DYRK3: variants seen among roughly 807,000 people sequenced by gnomAD.
The protein encoded by DYRK3 is dual specificity tyrosine-phosphorylation-regulated kinase 3.
DYRK3 carries 30 observed loss-of-function variants against 40.8 expected under a neutral mutation model. The observed-to-expected ratio is 0.74, with a 90% CI of 0.55 to 1.00. DYRK3 has a LOEUF of 1.00. DYRK3 is among the 50% of genes least tolerant of loss of function. The pLI is 0.00. For synonymous variants in DYRK3, 272 were observed against 260.7 expected (o/e 1.04, Z -0.42); for missense variants, 699 against 731.5 (o/e 0.96, Z 0.51).
chr1:206,637,110 A>G lies in DYRK3; in HGVS notation c.78-540A>G, dbSNP rs868929277. On this transcript the variant is annotated intron_variant, in intron 1 of 2. Coordinates refer to ENST00000367109, the MANE Select transcript of DYRK3 (RefSeq NM_003582.4). ...GAAGACAGCCTTAAAAAGGCCTTTT[A>G]TTTCTTGCCTGTAAGACCCAGAAGT... The G allele has an allele frequency of 1.3e-5, 8 of 625,730 alleles. No individual in the cohort carries two copies. In the Middle Eastern group the frequency reaches 1.6e-3, roughly 127 times the overall value. 38.8% of individuals were successfully genotyped at this position (625,730 alleles called of 1,614,324 possible). A position where few individuals can be genotyped will look rare whatever the true frequency, so the allele number is the denominator to read the frequency against.
Position 206,648,487 on chromosome 1 carries a change from C to G in DYRK3, c.1289C>G (p.Pro430Arg). ...ATGGAGCTTCTAGGGATGCCACCAC[C>G]AAAACTTCTGGAGCAATCCAAACGT... The part of the protein sequence containing the change: ...CMMELLGMPP[P>R]KLLEQSKRAK... Residue 430 changes from proline to arginine, a missense_variant, in exon 3 of 3, where the codon CCA (proline) becomes CGA (arginine). Physicochemically the swap from Pro to Arg is moderately radical, Grantham distance 103 (BLOSUM62 -2). Coordinates refer to ENST00000367109, the MANE Select transcript of DYRK3 (RefSeq NM_003582.4). 1.2e-6 allele frequency: 2 copies of G among 1,614,144 alleles called. No homozygotes were observed. The highest frequency in any genetic ancestry group is 1.7e-6 in the Non-Finnish European group (2 of 1,180,020).
rs146834595 is a variant in DYRK3 at position 206,647,941 on chromosome 1, G to C, written c.743G>C (p.Arg248Pro). Residue 248 changes from arginine to proline, a missense_variant, in exon 3 of 3, where the codon CGT (arginine) becomes CCT (proline). Transcript: ENST00000367109. ...KMVRNEKRFH[R>P]QAAEEIRILE... ...GTGCGCAATGAGAAGCGCTTTCATC[G>C]TCAAGCAGCTGAGGAGATCCGGATT... is the stretch of plus-strand genomic sequence containing the variant. The C allele has an allele frequency of 3.1e-6, 5 of 1,613,998 alleles. No individual in the cohort carries two copies. In the African/African-American group the frequency reaches 5.3e-5, roughly 17 times the overall value.
rs1282192753 is a variant in DYRK3 at position 206,654,982 on chromosome 1, A to G, written c.*6017A>G. Among the ~76,000 whole-genome samples, 1 of 152,234 alleles carries G rather than the reference A, an allele frequency of 6.6e-6. No homozygotes were observed. Among genetic ancestry groups the G allele is most frequent in the Non-Finnish European group, 1.5e-5 (1 of 68,042 alleles). On this transcript the variant is annotated 3_prime_UTR_variant, in exon 3 of 3. Transcript: ENST00000367109. ...TGGTGACCTGTGGCTATTTCAGCTC[A>G]GAATGTCAGCCTCTGAAGCATCAGG... is the stretch of plus-strand genomic sequence containing the variant.
At position 206,653,925 on chromosome 1, in the gene DYRK3, G is replaced by A. The variant is rs1483051702; in HGVS notation, c.*4960G>A. Reference sequence around the variant, plus strand: ...TTTGTGACAATCTGTTAAGAAGGGGGCTTATTGCATAATCAAAAAAGAACA... The same window carrying A: ...TTTGTGACAATCTGTTAAGAAGGGGACTTATTGCATAATCAAAAAAGAACA... On this transcript the variant is annotated 3_prime_UTR_variant, in exon 3 of 3. Transcript: ENST00000367109. 3.3e-5 allele frequency among the ~76,000 whole-genome samples: 5 copies of A among 152,104 alleles called. No individual in the cohort carries two copies. Among genetic ancestry groups the A allele is most frequent in the African/African-American group, 1.2e-4 (5 of 41,418 alleles).
At chr1:206,646,314 T>G (rs1474767908) in intron 2 of DYRK3, among the ~76,000 whole-genome samples, 1 of 152,230 alleles carries the variant, frequency 6.6e-6, no homozygotes, top group Non-Finnish European at 1.5e-5. Flanking sequence ...TGGTTGTTTT[T>G]GTCCTTCTTT....
chr1:206,643,797 G>A (rs1372017308), intron 2 of DYRK3, among the ~76,000 whole-genome samples: 1 of 152,122 alleles, frequency 6.6e-6, no homozygotes, highest in African/African-American at 2.4e-5. Flanking sequence ...AATGGAGGAA[G>A]CCGCCAGCAA....
Position 206,637,660 on chromosome 1 carries a change from G to A in DYRK3, c.88G>A (p.Gly30Ser). 6.2e-7 allele frequency: 1 copy of A among 1,612,354 alleles called. No homozygotes were observed. Among genetic ancestry groups the A allele is most frequent in the Non-Finnish European group, 8.5e-7 (1 of 1,178,880 alleles). Residue 30 changes from glycine (G) to serine (S), a missense_variant, in exon 2 of 3, where the codon GGT becomes AGT. Transcript: ENST00000367109. ...LPPQQRRLGD[G>S]VYDTFMMIDE... ...AATCCTTTTAACTAGGTTGGGGGAT[G>A]GTGTCTATGACACCTTCATGATGAT... is the stretch of plus-strand genomic sequence containing the variant.
chr1:206,635,880 G>A (rs1671089588), intron 1 of DYRK3, 100 bp downstream of exon 1: 1 of 1,262,642 alleles, frequency 7.9e-7, no homozygotes, highest in Admixed American at 4.0e-5. Context: ...TGAGCCCTCA[G>A]TAGGAGGGAC....
rs553933008 is a variant in DYRK3, at chr1:206,646,381, T to C, written c.190-1007T>C. Reference sequence around the variant, plus strand: ...AGTTCAAAGAATCTTAATTCAGAGGTGTAAGTAGAGCTTTTTTCTGTGGGT... The same window carrying C: ...AGTTCAAAGAATCTTAATTCAGAGGCGTAAGTAGAGCTTTTTTCTGTGGGT... On this transcript the variant is annotated intron_variant, in intron 2 of 2. Coordinates refer to ENST00000367109, the MANE Select transcript of DYRK3 (RefSeq NM_003582.4). Among the ~76,000 whole-genome samples, 10 of 152,230 alleles carry C rather than the reference T, an allele frequency of 6.6e-5. 1 individual carries two copies. Among genetic ancestry groups the C allele is most frequent in the African/African-American group, 2.4e-4 (10 of 41,528 alleles).
At position 206,637,702 on chromosome 1, in the gene DYRK3, C is replaced by T; in HGVS notation, c.130C>T (p.Pro44Ser). 1.9e-6 allele frequency: 3 copies of T among 1,613,748 alleles called. No homozygotes were observed. Among genetic ancestry groups the T allele is most frequent in the East Asian group, 2.2e-5 (1 of 44,850 alleles). ...TFMMIDETKC[P>S]PCSNVLCNPS... ...CATGATGATAGATGAAACCAAATGT[C>T]CCCCCTGTTCAAATGTACTCTGCAA... Residue 44 changes from proline to serine, a missense_variant, in exon 2 of 3, where the codon CCC becomes TCC. By Grantham distance (74) the Pro-to-Ser change is moderately conservative. Coordinates refer to ENST00000367109, the MANE Select transcript of DYRK3 (RefSeq NM_003582.4).
intron 2 of DYRK3, among the ~76,000 whole-genome samples, chr1:206,642,718 A>G (rs1671326464): frequency 6.6e-6 from 1 of 152,122 alleles, no homozygotes; most frequent in Admixed American, 6.6e-5. Context: ...ATAGGTGCGA[A>G]TTGAACAATG....
At chr1:206,637,842 G>A in intron 2 of DYRK3, 81 bp downstream of exon 2, 1 of 1,086,728 alleles carries the variant, frequency 9.2e-7, no homozygotes, top group South Asian at 1.5e-5. Flanking sequence ...GTACACTTAT[G>A]TATCACTGAC....
At chr1:206,637,803 A>C in intron 2 of DYRK3, 42 bp downstream of exon 2, 1 of 1,518,616 alleles carries the variant, frequency 6.6e-7, no homozygotes, top group Non-Finnish European at 9.1e-7. Context: ...ATTGTTTTGG[A>C]AAGGAGGAAG....
At chr1:206,635,850 G>T (rs910132181) in intron 1 of DYRK3, 70 bp downstream of exon 1, 4 of 1,240,564 alleles carry the variant, frequency 3.2e-6, no homozygotes, top group Non-Finnish European at 4.0e-6. Context: ...GCGAAGCTTG[G>T]GGGTGGGGAG....
Position 206,647,795 on chromosome 1 carries a change from T to G in DYRK3, c.597T>G (p.His199Gln), listed in dbSNP as rs376424526. ...GYDDADGAYI[H>Q]VPRDHLAYRY... ...ATGATGCAGATGGGGCCTATATTCATGTACCTCGAGACCATCTAGCTTATC... is the reference window on the plus strand; with the variant it reads ...ATGATGCAGATGGGGCCTATATTCAGGTACCTCGAGACCATCTAGCTTATC... The change falls in exon 3 of 3, where the codon CAT (histidine) becomes CAG (glutamine). Residue 199 changes from histidine (H) to glutamine (Q), a missense_variant. His to Gln is a conservative substitution (Grantham distance 24, BLOSUM62 0). Transcript: ENST00000367109. 9 of 1,614,078 alleles carry G rather than the reference T, an allele frequency of 5.6e-6. No individual in the cohort carries two copies. The African/African-American group carries it at 1.1e-4, about 19-fold the overall frequency.
In DYRK3 at chr1:206,650,498, T is replaced by C. The variant is rs927507534; in HGVS notation, c.*1533T>C. Among the ~76,000 whole-genome samples, 1 of 152,202 alleles carries C rather than the reference T, an allele frequency of 6.6e-6. No individual in the cohort carries two copies. The highest frequency in any genetic ancestry group is 1.5e-5 in the Non-Finnish European group (1 of 68,036). ...GGGAGGATCACTTGAGCTGAGATCA[T>C]GCCACTGCACTCCAGCCTAGGCAAC... On this transcript the variant is annotated 3_prime_UTR_variant, in exon 3 of 3. Coordinates refer to ENST00000367109, the MANE Select transcript of DYRK3 (RefSeq NM_003582.4).
intron 2 of DYRK3, among the ~76,000 whole-genome samples, chr1:206,643,005 G>C (rs970257568): frequency 7.9e-5 from 12 of 152,074 alleles, no homozygotes; most frequent in Admixed American, 3.3e-4. Context: ...GAATTCTCCA[G>C]ATTCACTGGA....
Position 206,648,987 on chromosome 1 carries a change from A to G in DYRK3, c.*22A>G. On this transcript the variant is annotated 3_prime_UTR_variant, in exon 3 of 3. Transcript: ENST00000367109. ...CTAGTGGACAGAGATATGCCCAGAG[A>G]TGCATATGTGTATATTTTTATGATC... The G allele has an allele frequency of 6.4e-7, 1 of 1,573,472 alleles. No individual in the cohort carries two copies. Among genetic ancestry groups the G allele is most frequent in the Non-Finnish European group, 8.6e-7 (1 of 1,157,396 alleles).
rs1218115674 is a variant in DYRK3 at position 206,652,536 on chromosome 1, T to C, written c.*3571T>C. Among the ~76,000 whole-genome samples, 1 of 152,186 alleles carries C rather than the reference T, an allele frequency of 6.6e-6. No individual in the cohort carries two copies. The highest frequency in any genetic ancestry group is 2.4e-5 in the African/African-American group (1 of 41,454). Reference sequence around the variant, plus strand: ...AGAAAGCTACAGGAAGGCAAATGGATGTTTCTGCCTCAATTTGGCAACCGA... The same window carrying C: ...AGAAAGCTACAGGAAGGCAAATGGACGTTTCTGCCTCAATTTGGCAACCGA... On this transcript the variant is annotated 3_prime_UTR_variant, in exon 3 of 3. Transcript: ENST00000367109.
Sources: gnomAD v4.1 joint callset for allele counts (sites outside exome capture counted in the v4.1 genomes callset) on GRCh38, gnomAD v4.1.1 for gene constraint, MANE v1.5 for transcripts, NCBI Gene and HGNC (gene_info 2026-07-23, HGNC 2026-07-21) for gene names.